SCHIP1: variants seen among roughly 807,000 people sequenced by gnomAD.
The protein encoded by SCHIP1 is schwannomin interacting protein 1, also known as schwannomin-interacting protein 1.
Under a neutral mutation model 29.7 loss-of-function variants are expected in SCHIP1, and 8 were observed. That is an observed-to-expected ratio of 0.27 (90% CI 0.16 to 0.49). The LOEUF is 0.49. Ranked by LOEUF, SCHIP1 falls within the 20% of genes least tolerant of loss-of-function variation. The pLI, the probability that SCHIP1 is intolerant of heterozygous loss-of-function variation, is 0.99. For synonymous variants in SCHIP1, 76 were observed against 94.9 expected, an observed-to-expected ratio of 0.80 and a Z score of 1.16; for missense variants, 193 against 294.6, an observed-to-expected ratio of 0.66 and a Z score of 2.52.
At chr3:159,427,827 G>A in the SCHIP1 span, among the ~76,000 whole-genome samples, 2 of 152,190 alleles carry the variant, frequency 1.3e-5, no homozygotes, top group South Asian at 2.1e-4. Flanking sequence ...AAACAGCATG[G>A]TACTGGTACC....
the SCHIP1 span, among the ~76,000 whole-genome samples, chr3:159,752,601 G>T: frequency 6.6e-6 from 1 of 152,072 alleles, no homozygotes; most frequent in Non-Finnish European, 1.5e-5. Flanking sequence ...GAGGTGTCTC[G>T]CATGGTGGAA....
the SCHIP1 span, among the ~76,000 whole-genome samples, chr3:159,661,605 C>A: frequency 6.6e-6 from 1 of 152,110 alleles, no homozygotes; most frequent in Non-Finnish European, 1.5e-5. Context: ...GCCCCAAACA[C>A]GTAGTGTTTT....
chr3:159,456,163 C>T, the SCHIP1 span, among the ~76,000 whole-genome samples: 1 of 152,168 alleles, frequency 6.6e-6, no homozygotes, highest in Non-Finnish European at 1.5e-5. Flanking sequence ...CCTCCCTTCG[C>T]TGGAGCTTGC....
the SCHIP1 span, among the ~76,000 whole-genome samples, chr3:159,703,791 A>G: frequency 1.2e-3 from 190 of 152,298 alleles, no homozygotes; most frequent in African/African-American, 4.5e-3. Context: ...GACAAAAGTC[A>G]TTCTGGTTGG....
At chr3:159,338,473 G>T in the SCHIP1 span, among the ~76,000 whole-genome samples, 1 of 152,032 alleles carries the variant, frequency 6.6e-6, no homozygotes, top group Admixed American at 6.6e-5. Flanking sequence ...ATAAGATGAG[G>T]TTATGACTAT....
chr3:159,785,582 T>TG, the SCHIP1 span, among the ~76,000 whole-genome samples: 1 of 147,782 alleles, frequency 6.8e-6, no homozygotes, highest in South Asian at 2.1e-4. Context: ...TTTGTTGGTT[T>TG]TTTTTTTTTT....
At chr3:159,706,127 G>A in the SCHIP1 span, among the ~76,000 whole-genome samples, 5 of 152,132 alleles carry the variant, frequency 3.3e-5, no homozygotes, top group African/African-American at 4.8e-5. Flanking sequence ...GGGTGGAGGG[G>A]CTATTTTGCT....
chr3:159,666,305 A>G, the SCHIP1 span, among the ~76,000 whole-genome samples: 418 of 152,354 alleles, frequency 2.7e-3, 1 homozygote, highest in African/African-American at 9.0e-3. Context: ...CGCTTTGCTC[A>G]GGCAAATAAT....
At chr3:159,282,595 G>A in the SCHIP1 span, 1 of 150,066 alleles carries the variant, frequency 6.7e-6, no homozygotes, top group Admixed American at 6.6e-5. Context: ...TTTGGTGTAT[G>A]GCATAATGAG....
the SCHIP1 span, among the ~76,000 whole-genome samples, chr3:159,324,541 G>C: frequency 6.6e-6 from 1 of 151,842 alleles, no homozygotes; most frequent in African/African-American, 2.4e-5. Context: ...TCTGTTATTA[G>C]CATATTTTTA....
At chr3:159,744,488 G>C in the SCHIP1 span, among the ~76,000 whole-genome samples, 1 of 152,214 alleles carries the variant, frequency 6.6e-6, no homozygotes, top group African/African-American at 2.4e-5. Flanking sequence ...AGGAGCACTA[G>C]AACTTATCTA....
the SCHIP1 span, among the ~76,000 whole-genome samples, chr3:159,553,882 C>G: frequency 6.6e-6 from 1 of 152,078 alleles, no homozygotes; most frequent in African/African-American, 2.4e-5. Flanking sequence ...CTCACTGCAA[C>G]CTCAGCCTCC....
At chr3:159,733,582 A>C in the SCHIP1 span, among the ~76,000 whole-genome samples, 1 of 152,188 alleles carries the variant, frequency 6.6e-6, no homozygotes, top group African/African-American at 2.4e-5. Flanking sequence ...GTTTCTCTAC[A>C]GTTGTGTGGG....
At chr3:159,596,661 A>G in the SCHIP1 span, among the ~76,000 whole-genome samples, 23 of 152,188 alleles carry the variant, frequency 1.5e-4, no homozygotes, top group African/African-American at 5.5e-4. Flanking sequence ...GACATGAATG[A>G]AGCTGGAAAC....
chr3:159,391,224 G>A, the SCHIP1 span, among the ~76,000 whole-genome samples: 19 of 152,120 alleles, frequency 1.2e-4, no homozygotes, highest in African/African-American at 3.9e-4. Context: ...AGTTCTCCTA[G>A]AGTTTTTTTA....
chr3:159,462,748 C>T, the SCHIP1 span, among the ~76,000 whole-genome samples: 1 of 152,076 alleles, frequency 6.6e-6, no homozygotes, highest in Non-Finnish European at 1.5e-5. Context: ...AGTTCTTGTT[C>T]ATATTATTTT....
intron 2 of SCHIP1, among the ~76,000 whole-genome samples, chr3:159,878,417 G>A (rs866610341): frequency 1.3e-5 from 2 of 152,002 alleles, no homozygotes; most frequent in South Asian, 4.1e-4. Context: ...AGGAGGCGGA[G>A]GTTGCAGTGA....
At chr3:159,602,639 G>A in the SCHIP1 span, among the ~76,000 whole-genome samples, 8 of 151,884 alleles carry the variant, frequency 5.3e-5, no homozygotes, top group East Asian at 7.8e-4. Context: ...ATCCTGGGAG[G>A]CAGAGGTTAC....
the SCHIP1 span, among the ~76,000 whole-genome samples, chr3:159,385,782 C>A: frequency 6.6e-6 from 1 of 152,036 alleles, no homozygotes; most frequent in African/African-American, 2.4e-5. Context: ...TATACATGTG[C>A]CATGGTGGTT....
Sources: gnomAD v4.1 joint callset for allele counts (sites outside exome capture counted in the v4.1 genomes callset) on GRCh38, gnomAD v4.1.1 for gene constraint, MANE v1.5 for transcripts, NCBI Gene and HGNC (gene_info 2026-07-23, HGNC 2026-07-21) for gene names.